The following CAPN7 variants were observed in gnomAD, a reference collection of about 807,000 sequenced individuals.
CAPN7 encodes calpain 7.
CAPN7 carries 72 observed loss-of-function variants against 115.2 expected under a neutral mutation model. The ratio of observed to expected loss-of-function variants is 0.63; its 90% confidence interval spans 0.52 to 0.76. The LOEUF is 0.76. CAPN7 is among the 30% of genes least tolerant of loss of function. The probability of loss-of-function intolerance (pLI) is 0.00; values close to 1 mark genes in which losing one functional copy is unlikely to be tolerated. For missense variants in CAPN7, 905 were observed against 971.5 expected (o/e 0.93, Z 0.91); for synonymous variants, 344 against 322.3 (o/e 1.07, Z -0.72).
In CAPN7 at chr3:15,223,536, C is replaced by T. The variant is rs1170621390; in HGVS notation, c.700C>T (p.Arg234Cys). 4 of 1,603,624 alleles carry T rather than the reference C, an allele frequency of 2.5e-6. 1 individual carries two copies. The highest frequency in any genetic ancestry group is 2.2e-5 in the South Asian group (2 of 89,548). The change falls in exon 6 of 21, where the codon CGT (arginine) becomes TGT (cysteine). Residue 234 changes from arginine (R) to cysteine (C), a missense_variant. Transcript: ENST00000253693. ...TTTCATGAATGTTGACCTGAGAGAA[C>T]GTTTTGCCTATCCAATGCCTTTCTG... Reference protein sequence around the residue: ...VPFMNVDLRERFAYPMPFCDR... With the variant: ...VPFMNVDLRECFAYPMPFCDR...
rs3773476 is a variant in CAPN7, at chr3:15,218,410, A to G, written c.370-63A>G. On this transcript the variant is annotated intron_variant, in intron 3 of 20. Transcript: ENST00000253693. ...CATTGTAAATTTTTTGCTTAGAAAT[A>G]TGGATCAAGCAAATTGAAAAATAAT... is the stretch of plus-strand genomic sequence containing the variant. 313 of 1,274,670 alleles carry G rather than the reference A, an allele frequency of 2.5e-4. 3 individuals carry two copies. In the East Asian group the frequency reaches 7.1e-3, roughly 29 times the overall value. 79.0% of individuals were successfully genotyped at this position (1,274,670 alleles called of 1,614,324 possible).
At chr3:15,222,035 AT>A (rs1215486326) in intron 5 of CAPN7, among the ~76,000 whole-genome samples, 1 of 151,332 alleles carries the variant, frequency 6.6e-6, no homozygotes, top group Non-Finnish European at 1.5e-5. Flanking sequence ...GTATATATAT[AT>A]GTAAAGTTTT....
intron 12 of CAPN7, among the ~76,000 whole-genome samples, chr3:15,238,711 A>G (rs1559406300): frequency 6.6e-6 from 1 of 152,150 alleles, no homozygotes; most frequent in Non-Finnish European, 1.5e-5. Context: ...ATAGTCTACT[A>G]TGGAGTTACA....
At position 15,242,143 on chromosome 3, in the gene CAPN7, A is replaced by G; in HGVS notation, c.1789-35A>G. On this transcript the variant is annotated intron_variant, in intron 15 of 20. Coordinates refer to ENST00000253693, the MANE Select transcript of CAPN7 (RefSeq NM_014296.3). Reference sequence around the variant, plus strand: ...AGAAAATAAATAGCATTTTGAACCCATTTTCTAACCACATTGGATTCTTTG... The same window carrying G: ...AGAAAATAAATAGCATTTTGAACCCGTTTTCTAACCACATTGGATTCTTTG... The G allele has an allele frequency of 2.1e-6, 3 of 1,437,044 alleles. No individual in the cohort carries two copies. The South Asian group carries it at 3.7e-5, about 18-fold the overall frequency. The allele number at this position is 1,437,044 out of a possible 1,614,324, so 89.0% of individuals were successfully genotyped here.
At position 15,251,040 on chromosome 3, in the gene CAPN7, T is replaced by C. The variant is rs1559415996; in HGVS notation, c.2297+17T>C. ...TGACTATAGGTAATGTTGGCATTTT[T>C]ATTGTATCTATTTTATACTTTACTT... On this transcript the variant is annotated intron_variant, in intron 20 of 20. Coordinates refer to ENST00000253693, the MANE Select transcript of CAPN7 (RefSeq NM_014296.3). The C allele has an allele frequency of 1.2e-6, 2 of 1,602,018 alleles. No individual in the cohort carries two copies. Among genetic ancestry groups the C allele is most frequent in the Non-Finnish European group, 1.7e-6 (2 of 1,170,996 alleles).
chr3:15,221,781 G>T (rs1047029022), intron 5 of CAPN7, among the ~76,000 whole-genome samples: 3 of 151,832 alleles, frequency 2.0e-5, no homozygotes, highest in Non-Finnish European at 2.9e-5. Context: ...ACCAGCCTGG[G>T]CAACATGCCA....
intron 2 of CAPN7, among the ~76,000 whole-genome samples, chr3:15,214,575 T>C (rs375853899): frequency 4.7e-4 from 71 of 152,170 alleles, no homozygotes; most frequent in African/African-American, 1.6e-3. Flanking sequence ...AAAAATTTGC[T>C]GGGCATGGTG....
chr3:15,251,217 A>C lies in CAPN7; in HGVS notation c.2399A>C (p.Asp800Ala). 6.2e-7 allele frequency: 1 copy of C among 1,610,586 alleles called. No homozygotes were observed. The highest frequency in any genetic ancestry group is 8.5e-7 in the Non-Finnish European group (1 of 1,178,702). Reference sequence around the variant, plus strand: ...AAACAAGAAGGACCTTTTTTCTTGGACTTTAATAGTATTATCCCCATCAAG... The same window carrying C: ...AAACAAGAAGGACCTTTTTTCTTGGCCTTTAATAGTATTATCCCCATCAAG... ...LPKQEGPFFL[D>A]FNSIIPIKIT... Residue 800 changes from aspartate to alanine, a missense_variant, in exon 21 of 21, where the codon GAC (aspartate) becomes GCC (alanine). Asp to Ala is a moderately radical substitution (Grantham distance 126, BLOSUM62 -2). This residue lies in a region of CAPN7 where 620 missense variants were observed against 703.4 expected (regional missense o/e 0.88). Transcript: ENST00000253693.
intron 1 of CAPN7, chr3:15,210,851 T>C: frequency 7.8e-7 from 1 of 1,289,600 alleles, no homozygotes. Flanking sequence ...AAAGTGATGT[T>C]CAGTAGATGG....
chr3:15,245,490 G>A, intron 16 of CAPN7, 36 bp from the exon 17 acceptor site: 1 of 1,573,416 alleles, frequency 6.4e-7, no homozygotes, highest in Non-Finnish European at 8.6e-7. Flanking sequence ...AGAAAGAAAA[G>A]TCTCCTTTTC....
chr3:15,232,076 A>G, intron 9 of CAPN7: 1 of 342,694 alleles, frequency 2.9e-6, no homozygotes, highest in Non-Finnish European at 5.6e-6. Context: ...AGTGTTTTGG[A>G]TTTTGGATTT....
chr3:15,252,432 T>C lies in CAPN7; in HGVS notation c.*1172T>C, dbSNP rs1408662289. ...TGTTCTTTAACAGAGTAGTGGTAGA[T>C]TATTACACTAATGAGATTTCACTTT... On this transcript the variant is annotated 3_prime_UTR_variant, in exon 21 of 21. Coordinates refer to ENST00000253693, the MANE Select transcript of CAPN7 (RefSeq NM_014296.3). 6 of 152,596 alleles carry C rather than the reference T, an allele frequency of 3.9e-5. No individual in the cohort carries two copies. The highest frequency in any genetic ancestry group is 1.4e-4 in the African/African-American group (6 of 41,462). The allele number at this position is 152,596 out of a possible 1,614,324, so 9.5% of individuals were successfully genotyped here.
chr3:15,232,515 C>T lies in CAPN7; in HGVS notation c.1033-4C>T, dbSNP rs6442506. On this transcript the variant is annotated splice_region_variant and splice_polypyrimidine_tract_variant and intron_variant, in intron 9 of 20. Transcript: ENST00000253693. The stretch of plus-strand genomic sequence containing the variant: ...CTAAGAAGGTTAATGTTCTCTTTCT[C>T]CAGGTGATAATTGATGACCAGTTAC... The T allele has an allele frequency of 0.023, 35,983 of 1,596,110 alleles. 6,499 individuals carry two copies. The African/African-American group carries it at 0.41, about 18-fold the overall frequency.
At chr3:15,213,175 A>G (rs1259582269) in intron 2 of CAPN7, among the ~76,000 whole-genome samples, 1 of 152,230 alleles carries the variant, frequency 6.6e-6, no homozygotes, top group Non-Finnish European at 1.5e-5. Context: ...AAGTAAATGA[A>G]GTTCTTAAAT....
chr3:15,238,015 T>C (rs1243192426), intron 12 of CAPN7, among the ~76,000 whole-genome samples: 1 of 151,990 alleles, frequency 6.6e-6, no homozygotes, highest in African/African-American at 2.4e-5. Flanking sequence ...TACTCTTTTA[T>C]TGGGTATATA....
In CAPN7 at chr3:15,212,169, A is replaced by G. The variant is rs1217969847; in HGVS notation, c.168A>G (p.Lys56=). The G allele has an allele frequency of 1.9e-6, 3 of 1,610,816 alleles. No individual in the cohort carries two copies. The highest frequency in any genetic ancestry group is 2.2e-5 in the East Asian group (1 of 44,638). The stretch of plus-strand genomic sequence containing the variant: ...CAAGCCTAGAAAATATTCAAGAAAA[A>G]ATAACTGAGTATCTGGAAAGAGTTC... ...AGSSLENIQE[K]ITEYLERVQA... The change falls in exon 2 of 21, where the codon AAA becomes AAG. Residue 56 remains lysine (K), a synonymous_variant. Coordinates refer to ENST00000253693, the MANE Select transcript of CAPN7 (RefSeq NM_014296.3).
At chr3:15,229,732 T>C (rs1455061527) in intron 8 of CAPN7, among the ~76,000 whole-genome samples, 1 of 151,992 alleles carries the variant, frequency 6.6e-6, no homozygotes, top group African/African-American at 2.4e-5. Context: ...GTTTTACCTT[T>C]TTAACTTTTA....
intron 19 of CAPN7, among the ~76,000 whole-genome samples, chr3:15,250,372 CAAAAAT>C (rs1231159510): frequency 6.6e-6 from 1 of 151,428 alleles, no homozygotes; most frequent in Non-Finnish European, 1.5e-5. Context: ...GACCCTGTCT[CAAAAAT>C]AAAAAAGAGG....
intron 1 of CAPN7, among the ~76,000 whole-genome samples, chr3:15,208,045 T>G (rs1321393726): frequency 6.6e-6 from 1 of 152,200 alleles, no homozygotes; most frequent in Non-Finnish European, 1.5e-5. Flanking sequence ...GAGTAAAGTG[T>G]TGTGCTATGA....
Sources: allele counts gnomAD v4.1 joint callset (sites outside exome capture counted in the v4.1 genomes callset), GRCh38; gene constraint gnomAD v4.1.1; regional missense constraint gnomAD v4.1.1; transcripts MANE v1.5; gene names NCBI Gene and HGNC (gene_info 2026-07-23, HGNC 2026-07-21).